Variants in SNRNP27 observed in about 807,000 individuals in gnomAD.
SNRNP27 encodes U4/U6.U5 small nuclear ribonucleoprotein 27 kDa protein.
A neutral mutation model predicts 25.1 loss-of-function variants in SNRNP27; 22 were observed. That is an observed-to-expected ratio of 0.88 (90% CI 0.63 to 1.25). The LOEUF (loss-of-function observed/expected upper bound fraction) is 1.25. SNRNP27 is among the 50% of genes most tolerant of loss of function. The pLI is 0.00. For synonymous variants in SNRNP27, 66 were observed against 64.9 expected, an observed-to-expected ratio of 1.02 and a Z score of -0.08; for missense variants, 150 against 202.3, an observed-to-expected ratio of 0.74 and a Z score of 1.57.
At chr2:69,902,707 G>C (rs111067373) in intron 4 of SNRNP27, among the ~76,000 whole-genome samples, 13,223 of 151,738 alleles carry the variant, frequency 0.087, 1,970 homozygotes, top group African/African-American at 0.31. Context: ...TTCTTCTTCT[G>C]CTTCTGCTGC....
At chr2:69,902,526 AGCTTCT>A (rs553496276) in intron 4 of SNRNP27, among the ~76,000 whole-genome samples, 142 of 94,934 alleles carry the variant, frequency 1.5e-3, no homozygotes, top group Middle Eastern at 7.6e-3. Flanking sequence ...CTGCTGCTCT[AGCTTCT>A]GCTTCTGCTT....
chr2:69,898,664 G>A (rs1171840521), intron 4 of SNRNP27, among the ~76,000 whole-genome samples: 1 of 152,142 alleles, frequency 6.6e-6, no homozygotes, highest in Non-Finnish European at 1.5e-5. Context: ...ATGTGACTGT[G>A]TAGGGCTCAC....
Position 69,904,530 on chromosome 2 carries a change from GGCGTC to G in SNRNP27, c.*223_*227del. 1 of 597,812 alleles carries G rather than the reference GGCGTC, an allele frequency of 1.7e-6. No homozygotes were observed. Among genetic ancestry groups the G allele is most frequent in the East Asian group, 2.9e-5 (1 of 33,908 alleles). The allele number at this position is 597,812 out of a possible 1,614,324, so 37.0% of individuals were successfully genotyped here. On this transcript the variant is annotated 3_prime_UTR_variant, in exon 6 of 6. Coordinates refer to ENST00000244227, the MANE Select transcript of SNRNP27 (RefSeq NM_006857.3). ...CTTTTAGGAAATATCATTTGTGGCA[GGCGTC>G]AACCCCATTTTATTTGTCCTTATTC...
At chr2:69,895,271 T>G (rs889951921) in intron 2 of SNRNP27, 57 bp downstream of exon 2, 1 of 1,591,386 alleles carries the variant, frequency 6.3e-7, no homozygotes, top group African/African-American at 1.4e-5. Context: ...AAGAAACTGG[T>G]CGCAGCTCTT....
At chr2:69,902,230 CCCTTCTTTCTTCTCCTTCCTCCTT>C (rs1295998253) in intron 4 of SNRNP27, among the ~76,000 whole-genome samples, 44 of 149,834 alleles carry the variant, frequency 2.9e-4, no homozygotes, top group East Asian at 9.8e-4. Context: ...CCTTCCTCCT[CCCTTCTTTCTTCTCCTTCCTCCTT>C]CCTTCTTTCT....
chr2:69,902,936 TTC>T (rs1263781935), intron 4 of SNRNP27, among the ~76,000 whole-genome samples: 16 of 119,034 alleles, frequency 1.3e-4, no homozygotes, highest in Admixed American at 5.8e-4. Flanking sequence ...TTTCTTCTTC[TTC>T]TTTTTTTTTT....
rs766987314 is a variant in SNRNP27, at chr2:69,896,446, C to T, written c.166C>T (p.Arg56Ter). ...PHRRRSRSPRRHRSTSPSPSR... is the reference protein window; with the variant it reads ...PHRRRSRSPR ...GCTTATAAATATTAGATCTCCAAGA[C>T]GACATAGATCCACATCTCCTTCCCC... The change falls in exon 3 of 6, where the codon CGA becomes TGA. Residue 56 changes from arginine to a stop codon, truncating the protein, a stop_gained. Coordinates refer to ENST00000244227, the MANE Select transcript of SNRNP27 (RefSeq NM_006857.3). LOFTEE classifies it high-confidence loss of function. 7.6e-5 allele frequency: 123 copies of T among 1,611,202 alleles called. No individual in the cohort carries two copies. Among genetic ancestry groups the T allele is most frequent in the Non-Finnish European group, 9.8e-5 (116 of 1,178,794 alleles).
chr2:69,901,146 C>T (rs1179124829), intron 4 of SNRNP27, among the ~76,000 whole-genome samples: 1 of 151,120 alleles, frequency 6.6e-6, no homozygotes, highest in Non-Finnish European at 1.5e-5. Context: ...TGCACTCTAG[C>T]CTAGTGGCAG....
intron 3 of SNRNP27, 67 bp from the exon 4 acceptor site, chr2:69,897,310 A>G: frequency 1.8e-6 from 2 of 1,082,950 alleles, no homozygotes; most frequent in South Asian, 2.6e-5. Flanking sequence ...ATCTGTTACC[A>G]CCTCTCTTTT....
At chr2:69,901,886 A>G (rs1364443449) in intron 4 of SNRNP27, among the ~76,000 whole-genome samples, 1 of 152,196 alleles carries the variant, frequency 6.6e-6, no homozygotes, top group Non-Finnish European at 1.5e-5. Flanking sequence ...ATTTAGATGA[A>G]TGGCAACCAT....
At chr2:69,903,539 G>T in intron 5 of SNRNP27, 3 of 310,828 alleles carry the variant, frequency 9.7e-6, no homozygotes, top group East Asian at 6.9e-5. Flanking sequence ...TTATAATTTA[G>T]GTATAAGATA....
At chr2:69,897,345 T>G in intron 3 of SNRNP27, 32 bp from the exon 4 acceptor site, 1 of 1,430,550 alleles carries the variant, frequency 7.0e-7, no homozygotes, top group Non-Finnish European at 9.9e-7. Flanking sequence ...TTTGAAATGA[T>G]AGAGAGGTCA....
chr2:69,898,880 AAGAT>A (rs1676646263), intron 4 of SNRNP27, among the ~76,000 whole-genome samples: 1 of 152,230 alleles, frequency 6.6e-6, no homozygotes, highest in Non-Finnish European at 1.5e-5. Flanking sequence ...AAAGTTTATT[AAGAT>A]ATATGTTGGG....
intron 5 of SNRNP27, 151 bp downstream of exon 5, chr2:69,903,396 G>T: frequency 1.6e-6 from 1 of 635,660 alleles, no homozygotes; most frequent in Non-Finnish European, 2.7e-6. Context: ...ATTCTGGTGT[G>T]TTAAAATTGT....
intron 5 of SNRNP27, among the ~76,000 whole-genome samples, chr2:69,903,566 G>C (rs1676746272): frequency 6.6e-6 from 1 of 152,106 alleles, no homozygotes; most frequent in African/African-American, 2.4e-5. Flanking sequence ...TCCTAAACTA[G>C]ATTGATTATG....
chr2:69,902,870 C>T (rs1024947460), intron 4 of SNRNP27, among the ~76,000 whole-genome samples: 3 of 151,286 alleles, frequency 2.0e-5, no homozygotes, highest in Non-Finnish European at 4.4e-5. Flanking sequence ...TCCTCCCCCT[C>T]GGCCCCCGCT....
chr2:69,902,331 C>CGCT (rs754085689), intron 4 of SNRNP27, among the ~76,000 whole-genome samples: 5 of 151,404 alleles, frequency 3.3e-5, no homozygotes, highest in East Asian at 3.9e-4. Flanking sequence ...CCTCTACTTC[C>CGCT]GCTGCTGCTG....
intron 4 of SNRNP27, 26 bp from the exon 5 acceptor site, chr2:69,903,155 T>C (rs1239540579): frequency 1.3e-6 from 2 of 1,580,676 alleles, no homozygotes; most frequent in Non-Finnish European, 1.7e-6. Context: ...CTGTTTTTTG[T>C]CTGTTTGTTT....
chr2:69,898,428 TGAA>T (rs1179087822), intron 4 of SNRNP27, among the ~76,000 whole-genome samples: 2 of 36,856 alleles, frequency 5.4e-5, no homozygotes, highest in Non-Finnish European at 9.0e-5. Context: ...AGAGAGGAAA[TGAA>T]GAGAGGAGAG....
Sources: allele counts gnomAD v4.1 joint callset (sites outside exome capture counted in the v4.1 genomes callset), GRCh38; gene constraint gnomAD v4.1.1; transcripts MANE v1.5; gene names NCBI Gene and HGNC (gene_info 2026-07-23, HGNC 2026-07-21).